DSG2: variants seen among roughly 807,000 people sequenced by gnomAD.
The protein encoded by DSG2 is desmoglein-2.
A neutral mutation model predicts 75.6 loss-of-function variants in DSG2; 45 were observed. The ratio of observed to expected loss-of-function variants is 0.60; its 90% CI spans 0.47 to 0.76. DSG2 has a LOEUF of 0.76. DSG2 is among the 30% of genes least tolerant of loss of function. The probability of loss-of-function intolerance (pLI) is 0.00; values close to 1 mark genes in which losing one functional copy is unlikely to be tolerated. For synonymous variants in DSG2, 429 were observed against 483.9 expected, an observed-to-expected ratio of 0.89 and a Z score of 1.49; for missense variants, 1,267 against 1,357.4, an observed-to-expected ratio of 0.93 and a Z score of 1.05.
intron 9 of DSG2, among the ~76,000 whole-genome samples, chr18:31,533,625 C>A (rs1374888403): frequency 2.6e-5 from 4 of 152,196 alleles, no homozygotes; most frequent in Non-Finnish European, 5.9e-5. Context: ...ATCCCTATTT[C>A]TAAGACTCTG....
At chr18:31,500,860 A>T (rs1277207105) in intron 1 of DSG2, among the ~76,000 whole-genome samples, 1 of 152,230 alleles carries the variant, frequency 6.6e-6, no homozygotes, top group East Asian at 1.9e-4. Context: ...GAATTCAAAG[A>T]GTTCCTAGAG....
Position 31,548,547 on chromosome 18 carries a change from T to C in DSG2, c.*1804T>C, listed in dbSNP as rs2073330947. On this transcript the variant is annotated 3_prime_UTR_variant, in exon 15 of 15. Coordinates refer to ENST00000261590, the MANE Select transcript of DSG2 (RefSeq NM_001943.5). ...TCATCTAGAATTGTTTACTTAGTAATTGTTGTTTCTTTTATTATTATAGAC... is the reference window on the plus strand; with the variant it reads ...TCATCTAGAATTGTTTACTTAGTAACTGTTGTTTCTTTTATTATTATAGAC... The C allele has an allele frequency of 6.6e-6, 1 of 152,190 alleles. No individual in the cohort carries two copies. Among genetic ancestry groups the C allele is most frequent in the Non-Finnish European group, 1.5e-5 (1 of 68,034 alleles). 9.4% of individuals were successfully genotyped at this position (152,190 alleles called of 1,614,324 possible).
At chr18:31,543,856 ACT>A (rs1457980098) in intron 14 of DSG2, among the ~76,000 whole-genome samples, 5 of 145,170 alleles carry the variant, frequency 3.4e-5, no homozygotes, top group East Asian at 2.1e-4. Context: ...ACAGAGTGAA[ACT>A]CTGTCTAAAA....
Position 31,547,723 on chromosome 18 carries a change from T to C in DSG2, c.*980T>C, listed in dbSNP as rs1014595945. ...AAAAAATAGCATTATACCTCTTCCT[T>C]GTCTCAACCGCCATGAAAATTCTGA... On this transcript the variant is annotated 3_prime_UTR_variant, in exon 15 of 15. Coordinates refer to ENST00000261590, the MANE Select transcript of DSG2 (RefSeq NM_001943.5). 6 of 152,048 alleles carry C rather than the reference T, an allele frequency of 3.9e-5. No homozygotes were observed. Among genetic ancestry groups the C allele is most frequent in the African/African-American group, 1.4e-4 (6 of 41,392 alleles). 9.4% of individuals were successfully genotyped at this position (152,048 alleles called of 1,614,324 possible).
At chr18:31,507,407 T>C (rs1329898773) in intron 1 of DSG2, among the ~76,000 whole-genome samples, 1 of 152,240 alleles carries the variant, frequency 6.6e-6, no homozygotes, top group African/African-American at 2.4e-5. Flanking sequence ...TGTGTCTTTA[T>C]AGTAGAATGA....
intron 1 of DSG2, among the ~76,000 whole-genome samples, chr18:31,509,850 A>G (rs1391808936): frequency 6.6e-6 from 1 of 152,182 alleles, no homozygotes; most frequent in East Asian, 1.9e-4. Flanking sequence ...TGCCAATACA[A>G]ATAGAAAAGT....
At chr18:31,501,466 C>T (rs2073013487) in intron 1 of DSG2, among the ~76,000 whole-genome samples, 1 of 152,204 alleles carries the variant, frequency 6.6e-6, no homozygotes, top group Admixed American at 6.5e-5. Flanking sequence ...AATGTATGAT[C>T]TCACAGTTCC....
intron 11 of DSG2, among the ~76,000 whole-genome samples, chr18:31,537,435 CG>C (rs2073237838): frequency 6.6e-6 from 1 of 151,950 alleles, no homozygotes; most frequent in African/African-American, 2.4e-5. Flanking sequence ...CTGGCTAACA[CG>C]GTGAAACCCC....
intron 8 of DSG2, among the ~76,000 whole-genome samples, chr18:31,529,821 T>C (rs1174199224): frequency 6.6e-6 from 1 of 152,204 alleles, no homozygotes; most frequent in East Asian, 1.9e-4. Context: ...AAGTAAACTT[T>C]AGGTAGTTCT....
chr18:31,527,906 C>T (rs1296320801), intron 8 of DSG2, among the ~76,000 whole-genome samples: 1 of 152,224 alleles, frequency 6.6e-6, no homozygotes, highest in Non-Finnish European at 1.5e-5. Context: ...CATAGTGGAA[C>T]ATCCAACAAG....
rs2073328934 is a variant in DSG2 at position 31,548,271 on chromosome 18, T to C, written c.*1528T>C. The C allele has an allele frequency of 1.3e-5, 2 of 152,188 alleles. No homozygotes were observed. Among genetic ancestry groups the C allele is most frequent in the Admixed American group, 6.5e-5 (1 of 15,280 alleles). 9.4% of individuals were successfully genotyped at this position (152,188 alleles called of 1,614,324 possible). A position where few individuals can be genotyped will look rare whatever the true frequency, so the allele number is the denominator to read the frequency against. On this transcript the variant is annotated 3_prime_UTR_variant, in exon 15 of 15. Transcript: ENST00000261590. Reference sequence around the variant, plus strand: ...TGCTTCTAGAAACAATGTTTCAAAATATATGTGCATTATCAGTAATAATTT... The same window carrying C: ...TGCTTCTAGAAACAATGTTTCAAAACATATGTGCATTATCAGTAATAATTT...
In DSG2 at chr18:31,517,872, A is replaced by G. The variant is rs60201736; in HGVS notation, c.46-367A>G. ...TGGGAGTTAGCTGGGTGTGGGGTAC[A>G]TTACATACTGGTGGCCTCGAGGAAA... On this transcript the variant is annotated intron_variant, in intron 1 of 14. Transcript: ENST00000261590. Among the ~76,000 whole-genome samples, 7 of 152,092 alleles carry G rather than the reference A, an allele frequency of 4.6e-5. No homozygotes were observed. The South Asian group carries it at 6.2e-4, about 13-fold the overall frequency.
rs370484026 is a variant in DSG2 at position 31,523,270 on chromosome 18, G to A, written c.690+1021G>A. ...CAAAAAATTAGCTGGGTGTGGTGGCGGGCACCTGTAGTCCCAGCTACTCGG... is the reference window on the plus strand; with the variant it reads ...CAAAAAATTAGCTGGGTGTGGTGGCAGGCACCTGTAGTCCCAGCTACTCGG... On this transcript the variant is annotated intron_variant, in intron 6 of 14. Transcript: ENST00000261590. Among the ~76,000 whole-genome samples, 5 of 152,086 alleles carry A rather than the reference G, an allele frequency of 3.3e-5. No homozygotes were observed. In the East Asian group the frequency reaches 5.8e-4, roughly 18 times the overall value.
Position 31,546,390 on chromosome 18 carries a change from C to T in DSG2, c.3004C>T (p.Leu1002=), listed in dbSNP as rs377658424. 10 of 1,614,126 alleles carry T rather than the reference C, an allele frequency of 6.2e-6. No individual in the cohort carries two copies. The highest frequency in any genetic ancestry group is 8.5e-6 in the Non-Finnish European group (10 of 1,180,016). Residue 1002 remains leucine (L), a synonymous_variant, in exon 15 of 15, where the codon CTG becomes TTG. Coordinates refer to ENST00000261590, the MANE Select transcript of DSG2 (RefSeq NM_001943.5). ...IQPHGGGSNP[L]EGTQHLQDVP... is the part of the protein sequence containing the mutation. ...GCCTCATGGGGGTGGATCGAATCCT[C>T]TGGAAGGCACTCAGCATCTTCAAGA...
In DSG2 at chr18:31,531,227, G is replaced by A. The variant is rs2073196893; in HGVS notation, c.1255G>A (p.Asp419Asn). 1.9e-6 allele frequency: 3 copies of A among 1,614,182 alleles called. No homozygotes were observed. Among genetic ancestry groups the A allele is most frequent in the Non-Finnish European group, 2.5e-6 (3 of 1,180,014 alleles). The change falls in exon 9 of 15, where the codon GAC (aspartate) becomes AAC (asparagine). Residue 419 changes from aspartate (D) to asparagine (N), a missense_variant. Physicochemically the swap from Asp to Asn is conservative, Grantham distance 23. Transcript: ENST00000261590. Reference sequence around the variant, plus strand: ...TGGAAATTTTCAAGCTTTTGATGAGGACACTGGACTACCAGCCCATGCAAG... The same window carrying A: ...TGGAAATTTTCAAGCTTTTGATGAGAACACTGGACTACCAGCCCATGCAAG... ...IIGNFQAFDEDTGLPAHARYV... is the reference protein window; with the variant it reads ...IIGNFQAFDENTGLPAHARYV...
chr18:31,507,423 A>C (rs1383184338), intron 1 of DSG2, among the ~76,000 whole-genome samples: 1 of 152,188 alleles, frequency 6.6e-6, no homozygotes, highest in Admixed American at 6.5e-5. Flanking sequence ...AATGATTTAT[A>C]ATCTTATGGG....
chr18:31,511,397 C>T (rs1436630390), intron 1 of DSG2, among the ~76,000 whole-genome samples: 3 of 152,188 alleles, frequency 2.0e-5, no homozygotes, highest in Non-Finnish European at 4.4e-5. Context: ...AGGAGCGGGG[C>T]AGGGCAAAAC....
chr18:31,510,513 CTT>C (rs1449447233), intron 1 of DSG2, among the ~76,000 whole-genome samples: 3 of 151,776 alleles, frequency 2.0e-5, no homozygotes, highest in Non-Finnish European at 1.5e-5. Flanking sequence ...AACAGAAAGT[CTT>C]TTCTAAAAGT....
chr18:31,541,657 T>C (rs914567066), intron 13 of DSG2, among the ~76,000 whole-genome samples: 2 of 152,138 alleles, frequency 1.3e-5, no homozygotes, highest in East Asian at 1.9e-4. Flanking sequence ...CCTCAATACA[T>C]AGGGTTTGCA....
Sources: allele counts gnomAD v4.1 joint callset (sites outside exome capture counted in the v4.1 genomes callset), GRCh38; gene constraint gnomAD v4.1.1; transcripts MANE v1.5; gene names NCBI Gene and HGNC (gene_info 2026-07-23, HGNC 2026-07-21).